Variants in CNGB1 observed in about 807,000 individuals in gnomAD.
CNGB1 encodes the protein cyclic nucleotide gated channel subunit beta 1, also known as cyclic nucleotide-gated channel beta-1.
In CNGB1, 126 loss-of-function variants were observed where a neutral mutation model predicts 151.7. The ratio of observed to expected loss-of-function variants is 0.83; its 90% CI spans 0.72 to 0.96. The LOEUF (loss-of-function observed/expected upper bound fraction) is 0.96. Among genes scored for constraint, CNGB1 ranks in the 40% least tolerant of loss-of-function variants. The pLI is 0.00. For synonymous variants in CNGB1, 623 were observed against 635.1 expected, an observed-to-expected ratio of 0.98 and a Z score of 0.29; for missense variants, 1,698 against 1,627.0, an observed-to-expected ratio of 1.04 and a Z score of -0.75.
intron 29 of CNGB1, among the ~76,000 whole-genome samples, chr16:57,900,249 G>T (rs975161068): frequency 1.3e-5 from 2 of 152,176 alleles, no homozygotes; most frequent in African/African-American, 4.8e-5. Context: ...TGCCCCTAAG[G>T]TTGCAGCTTT....
intron 25 of CNGB1, among the ~76,000 whole-genome samples, chr16:57,905,249 T>C (rs1222564473): frequency 6.6e-6 from 1 of 152,218 alleles, no homozygotes; most frequent in African/African-American, 2.4e-5. Flanking sequence ...GTCTTTTCAT[T>C]TGCTATCTCC....
intron 31 of CNGB1, among the ~76,000 whole-genome samples, chr16:57,892,631 T>C (rs568624232): frequency 6.6e-6 from 1 of 150,972 alleles, no homozygotes; most frequent in Admixed American, 6.6e-5. Flanking sequence ...TCTCCATGGC[T>C]CCCATCTTCC....
intron 29 of CNGB1, among the ~76,000 whole-genome samples, chr16:57,900,288 T>TC (rs1331990340): frequency 2.0e-5 from 3 of 152,152 alleles, no homozygotes; most frequent in African/African-American, 7.2e-5. Context: ...AGCATACTTT[T>TC]CCCCTCTTCA....
At chr16:57,911,511 A>T (rs1273110424) in intron 25 of CNGB1, among the ~76,000 whole-genome samples, 1 of 152,024 alleles carries the variant, frequency 6.6e-6, no homozygotes, top group Non-Finnish European at 1.5e-5. Flanking sequence ...CTGGTCTCTA[A>T]CTCCTGATAT....
chr16:57,921,504 G>GA (rs1402675435), intron 18 of CNGB1, among the ~76,000 whole-genome samples: 1 of 152,160 alleles, frequency 6.6e-6, no homozygotes, highest in Non-Finnish European at 1.5e-5. Context: ...TTGCAGGCGT[G>GA]AGACACCGTG....
chr16:57,929,991 A>G (rs1961302354), intron 17 of CNGB1, among the ~76,000 whole-genome samples: 1 of 152,250 alleles, frequency 6.6e-6, no homozygotes, highest in Non-Finnish European at 1.5e-5. Context: ...GAAATAGGAA[A>G]AATGGTATAG....
chr16:57,936,333 A>G (rs891784207), intron 16 of CNGB1, among the ~76,000 whole-genome samples: 7 of 152,090 alleles, frequency 4.6e-5, no homozygotes. Flanking sequence ...TTACTCTTCT[A>G]TTCCATTTCC....
chr16:57,934,115 T>C (rs1961440136), intron 16 of CNGB1, among the ~76,000 whole-genome samples: 2 of 152,122 alleles, frequency 1.3e-5, no homozygotes. Flanking sequence ...GAGTGAACCC[T>C]AAATCCTCTG....
rs138517079 is a variant in CNGB1, at chr16:57,942,377, G to A, written c.1122-2056C>T. ...CTGTTAGAACTGATAAGCCAATTCA[G>A]TAAAGTTGCAGGATATAAAATCAAC... On this transcript the variant is annotated intron_variant, in intron 14 of 32. Transcript: ENST00000251102. Among the ~76,000 whole-genome samples the A allele has an allele frequency of 3.0e-3, 452 of 152,140 alleles. 2 individuals are homozygous for A. The highest frequency in any genetic ancestry group is 0.01 in the Middle Eastern group (3 of 292).
At position 57,911,853 on chromosome 16, in the gene CNGB1, G is replaced by T; in HGVS notation, c.2392C>A (p.Leu798Ile). The change falls in exon 25 of 33, where the codon CTT becomes ATT. Residue 798 changes from leucine to isoleucine, a missense_variant. Transcript: ENST00000251102. Reference sequence around the variant, plus strand: ...GAATTCAAATGCAGGCTGTAGAGAAGGTAGGCTGTGGTCCTGATGACCCTG... The same window carrying T: ...GAATTCAAATGCAGGCTGTAGAGAATGTAGGCTGTGGTCCTGATGACCCTG... ...VYRVIRTTAY[L>I]LYSLHLNSCL... The T allele has an allele frequency of 1.9e-6, 3 of 1,613,858 alleles. No individual in the cohort carries two copies. Among genetic ancestry groups the T allele is most frequent in the Non-Finnish European group, 2.5e-6 (3 of 1,179,858 alleles).
chr16:57,886,294 G>A (rs1472660172), intron 32 of CNGB1, among the ~76,000 whole-genome samples: 1 of 152,120 alleles, frequency 6.6e-6, no homozygotes, highest in Admixed American at 6.6e-5. Flanking sequence ...CCATCTTAAA[G>A]CCCCCTTGCT....
chr16:57,938,760 C>T (rs1285936926), intron 16 of CNGB1, among the ~76,000 whole-genome samples: 7 of 152,154 alleles, frequency 4.6e-5, no homozygotes, highest in African/African-American at 1.7e-4. Context: ...GTGTAAGGCA[C>T]GCAACACCTG....
Position 57,901,317 on chromosome 16 carries a change from C to T in CNGB1, c.2976+35G>A, listed in dbSNP as rs201945405. 2,709 of 1,605,108 alleles carry T rather than the reference C, an allele frequency of 1.7e-3. 7 individuals carry two copies. Among genetic ancestry groups the T allele is most frequent in the Non-Finnish European group, 1.8e-3 (2,094 of 1,172,858 alleles). On this transcript the variant is annotated intron_variant, in intron 29 of 32. Coordinates refer to ENST00000251102, the MANE Select transcript of CNGB1 (RefSeq NM_001297.5). ...CCTTGAAAGCCAGGGGGATGGTGAA[C>T]CCCAGATCCCGTGGTGGCTGCCAGG... is the stretch of plus-strand genomic sequence containing the variant.
In CNGB1 at chr16:57,934,224, G is replaced by A. The variant is rs1324813218; in HGVS notation, c.1373-2346C>T. On this transcript the variant is annotated intron_variant, in intron 16 of 32. Coordinates refer to ENST00000251102, the MANE Select transcript of CNGB1 (RefSeq NM_001297.5). ...AATCCCAGCACTTTGGAAGGCTGAG[G>A]TGGAAGGATCCCTTAAGTTCAAGAG... Among the ~76,000 whole-genome samples, 3 of 152,060 alleles carry A rather than the reference G, an allele frequency of 2.0e-5. No individual in the cohort carries two copies. The East Asian group carries it at 5.8e-4, about 29-fold the overall frequency.
At chr16:57,967,060 G>A in intron 2 of CNGB1, 68 bp downstream of exon 2, 2 of 1,609,886 alleles carry the variant, frequency 1.2e-6, no homozygotes, top group Non-Finnish European at 1.7e-6. Context: ...CTGGAGAGCA[G>A]ATGGCCCAAA....
At chr16:57,957,097 G>A (rs560869975) in intron 12 of CNGB1, among the ~76,000 whole-genome samples, 28 of 152,294 alleles carry the variant, frequency 1.8e-4, no homozygotes, top group African/African-American at 6.5e-4. Context: ...TGGACACTGG[G>A]CTCCGGGGGC....
At chr16:57,932,821 C>T (rs1158175999) in intron 16 of CNGB1, among the ~76,000 whole-genome samples, 1 of 152,182 alleles carries the variant, frequency 6.6e-6, no homozygotes, top group East Asian at 1.9e-4. Flanking sequence ...ACCTCGTGAT[C>T]CACCTGCCTC....
At chr16:57,909,288 T>C (rs1960642530) in intron 25 of CNGB1, among the ~76,000 whole-genome samples, 1 of 152,068 alleles carries the variant, frequency 6.6e-6, no homozygotes, top group African/African-American at 2.4e-5. Flanking sequence ...GTAACAATAA[T>C]AATAATGGAG....
At chr16:57,904,101 T>C (rs754489417) in intron 26 of CNGB1, 120 bp from the exon 27 acceptor site, 390 of 834,244 alleles carry the variant, frequency 4.7e-4, no homozygotes, top group Non-Finnish European at 7.4e-4. Context: ...TGGCAGGGCG[T>C]TGGGAGGGGG....
Sources: allele counts gnomAD v4.1 joint callset (sites outside exome capture counted in the v4.1 genomes callset), GRCh38; gene constraint gnomAD v4.1.1; transcripts MANE v1.5; gene names NCBI Gene and HGNC (gene_info 2026-07-23, HGNC 2026-07-21).